The following DFFB variants were observed in gnomAD, a reference collection of about 807,000 sequenced individuals.
DFFB encodes the protein DNA fragmentation factor subunit beta, also known as DNA fragmentation factor 40 kDa subunit.
Under a neutral mutation model 32.7 loss-of-function variants are expected in DFFB, and 29 were observed. That is an observed-to-expected ratio of 0.89 (90% confidence interval 0.66 to 1.21). The LOEUF is 1.21. Ranked by LOEUF, DFFB falls within the 50% of genes most tolerant of loss-of-function variation. The pLI is 0.00. For missense variants in DFFB, 398 were observed against 440.6 expected (o/e 0.90, Z 0.87); for synonymous variants, 170 against 177.1 (o/e 0.96, Z 0.32).
intron 6 of DFFB, among the ~76,000 whole-genome samples, chr1:3,876,551 C>T (rs112624848): frequency 0.02 from 3,095 of 152,262 alleles, 96 homozygotes; most frequent in African/African-American, 0.07. Context: ...CCTGTCCTGA[C>T]GTTTGTGGGG....
chr1:3,884,771 A>T lies in DFFB; in HGVS notation c.*1030A>T, dbSNP rs556111920. The T allele has an allele frequency of 6.6e-6, 1 of 152,128 alleles. No individual in the cohort carries two copies. The highest frequency in any genetic ancestry group is 1.9e-4 in the East Asian group (1 of 5,178). 9.4% of individuals were successfully genotyped at this position (152,128 alleles called of 1,614,324 possible). A position where few individuals can be genotyped will look rare whatever the true frequency, so the allele number is the denominator to read the frequency against. On this transcript the variant is annotated 3_prime_UTR_variant, in exon 7 of 7. Coordinates refer to ENST00000378209, the MANE Select transcript of DFFB (RefSeq NM_004402.4). Reference sequence around the variant, plus strand: ...TGTTTAGTAGAAACGGGGTTTCACCATGTTGGCCAGGCTGTTCTCGAACTC... The same window carrying T: ...TGTTTAGTAGAAACGGGGTTTCACCTTGTTGGCCAGGCTGTTCTCGAACTC...
Position 3,872,019 on chromosome 1 carries a change from C to T in DFFB, c.682-453C>T, listed in dbSNP as rs60585958. ...AATCCACCCCCAGGATCCATCACCTCCCACCAGGCCCCGCCTCCCACACTA... is the reference window on the plus strand; with the variant it reads ...AATCCACCCCCAGGATCCATCACCTTCCACCAGGCCCCGCCTCCCACACTA... On this transcript the variant is annotated intron_variant, in intron 5 of 6. Transcript: ENST00000378209. Among the ~76,000 whole-genome samples, 514 of 152,304 alleles carry T rather than the reference C, an allele frequency of 3.4e-3. 2 individuals are homozygous for T. Among genetic ancestry groups the T allele is most frequent in the African/African-American group, 0.012 (490 of 41,570 alleles).
chr1:3,860,552 G>A, intron 2 of DFFB: 1 of 348,566 alleles, frequency 2.9e-6, no homozygotes, highest in South Asian at 2.1e-5. Context: ...TAGAAATAAT[G>A]ACAGATTCCC....
chr1:3,883,559 C>A lies in DFFB; in HGVS notation c.835C>A (p.Gln279Lys), dbSNP rs181330365. ...IPTLVEAIKE[Q>K]DGREVDWEYF... ...TACACTGGTGGAAGCAATTAAGGAA[C>A]AAGATGGAAGAGAAGTGGACTGGGA... is the stretch of plus-strand genomic sequence containing the variant. The change falls in exon 7 of 7, where the codon CAA becomes AAA. Residue 279 changes from glutamine (Q) to lysine (K), a missense_variant. Gln to Lys is a moderately conservative substitution (Grantham distance 53). Coordinates refer to ENST00000378209, the MANE Select transcript of DFFB (RefSeq NM_004402.4). The A allele has an allele frequency of 6.2e-7, 1 of 1,614,198 alleles. No individual in the cohort carries two copies. Among genetic ancestry groups the A allele is most frequent in the Admixed American group, 1.7e-5 (1 of 60,024 alleles).
chr1:3,882,477 G>A (rs1241640860), intron 6 of DFFB, among the ~76,000 whole-genome samples: 5 of 151,594 alleles, frequency 3.3e-5, no homozygotes, highest in African/African-American at 1.2e-4. Context: ...CAGTTATCCT[G>A]CTTCAGCCTC....
chr1:3,871,797 A>G (rs540889695), intron 5 of DFFB, among the ~76,000 whole-genome samples: 1 of 152,250 alleles, frequency 6.6e-6, no homozygotes, highest in Non-Finnish European at 1.5e-5. Flanking sequence ...TGGCGCTGGC[A>G]TCTGCTCAGC....
At chr1:3,859,321 A>G (rs1644834059) in intron 2 of DFFB, among the ~76,000 whole-genome samples, 1 of 152,066 alleles carries the variant, frequency 6.6e-6, no homozygotes, top group African/African-American at 2.4e-5. Context: ...TTTGGGGGCA[A>G]TTGCTTTGAG....
chr1:3,872,007 G>A (rs1323066247), intron 5 of DFFB, among the ~76,000 whole-genome samples: 1 of 152,134 alleles, frequency 6.6e-6, no homozygotes, highest in African/African-American at 2.4e-5. Flanking sequence ...CCACCCCCAG[G>A]ATCCATCACC....
At chr1:3,871,296 T>G (rs1487022754) in intron 5 of DFFB, among the ~76,000 whole-genome samples, 1 of 151,324 alleles carries the variant, frequency 6.6e-6, no homozygotes. Context: ...TTTTTTTTTG[T>G]TTGTTTGTTT....
chr1:3,865,874 G>C lies in DFFB; in HGVS notation c.304G>C (p.Ala102Pro). ...FHEPQVGLIQ[A>P]AQQLLCDEQA... ...CGAGCCACAGGTGGGGCTCATCCAG[G>C]CCGCCCAGCAGCTGCTGTGTGATGA... The change falls in exon 3 of 7, where the codon GCC becomes CCC. Residue 102 changes from alanine (A) to proline (P), a missense_variant. Ala to Pro is a conservative substitution (Grantham distance 27). Coordinates refer to ENST00000378209, the MANE Select transcript of DFFB (RefSeq NM_004402.4). This position sits in a 1 kb window ranked among gnomAD's most constrained non-coding sequence, Gnocchi z 4.7. 1.2e-6 allele frequency: 2 copies of C among 1,614,042 alleles called. No homozygotes were observed. Among genetic ancestry groups the C allele is most frequent in the Non-Finnish European group, 1.7e-6 (2 of 1,179,984 alleles).
chr1:3,872,230 A>C (rs1413249066), intron 5 of DFFB, among the ~76,000 whole-genome samples: 4 of 152,216 alleles, frequency 2.6e-5, no homozygotes, highest in East Asian at 3.9e-4. Context: ...CTGGCCAACA[A>C]GGTGAAACCC....
chr1:3,872,634 C>CCCTGTCCCTGCCGCGGA, intron 6 of DFFB, 62 bp downstream of exon 6: 2 of 1,445,176 alleles, frequency 1.4e-6, no homozygotes, highest in Non-Finnish European at 1.9e-6. Flanking sequence ...CCTGCCGTGG[C>CCCTGTCCCTGCCGCGGA]CCTGTCCCTG....
At chr1:3,870,908 G>T (rs1465149034) in intron 5 of DFFB, among the ~76,000 whole-genome samples, 1 of 152,210 alleles carries the variant, frequency 6.6e-6, no homozygotes, top group Non-Finnish European at 1.5e-5. Flanking sequence ...TGGGGCTCCC[G>T]GCACGTGCTC....
At chr1:3,863,703 G>A (rs951133129) in intron 2 of DFFB, among the ~76,000 whole-genome samples, 2 of 152,124 alleles carry the variant, frequency 1.3e-5, no homozygotes, top group African/African-American at 4.8e-5. Flanking sequence ...CAGCATGGCC[G>A]AGCCTTGAAA....
chr1:3,869,840 C>G, intron 5 of DFFB, 65 bp downstream of exon 5: 1 of 1,491,392 alleles, frequency 6.7e-7, no homozygotes, highest in Non-Finnish European at 9.0e-7. Flanking sequence ...CCGCCTGGGG[C>G]GAGGCGGGTG....
chr1:3,873,839 C>T (rs565013295), intron 6 of DFFB, among the ~76,000 whole-genome samples: 1 of 152,066 alleles, frequency 6.6e-6, no homozygotes, highest in Non-Finnish European at 1.5e-5. Flanking sequence ...TTCCAAAATC[C>T]TAAAAAAATC....
At chr1:3,872,433 T>A in intron 5 of DFFB, 39 bp from the exon 6 acceptor site, 4 of 1,430,148 alleles carry the variant, frequency 2.8e-6, no homozygotes, top group South Asian at 1.2e-5. Flanking sequence ...AAAAAGAGAC[T>A]CACTTTCTGG....
At chr1:3,858,094 C>T (rs1277532522) in intron 1 of DFFB, among the ~76,000 whole-genome samples, 8 of 152,236 alleles carry the variant, frequency 5.3e-5, no homozygotes, top group Non-Finnish European at 8.8e-5. Context: ...GCTCTGCAGG[C>T]CCCTTCCAGC....
intron 6 of DFFB, 94 bp downstream of exon 6, chr1:3,872,666 G>A (rs557852213): frequency 1.1e-5 from 12 of 1,141,398 alleles, no homozygotes; most frequent in East Asian, 7.2e-5. Context: ...TCCCTGCCAC[G>A]GCCCTGTCCC....
Sources: allele counts gnomAD v4.1 joint callset (sites outside exome capture counted in the v4.1 genomes callset), GRCh38; gene constraint gnomAD v4.1.1; non-coding constraint Gnocchi (gnomAD v3.1); transcripts MANE v1.5; gene names NCBI Gene and HGNC (gene_info 2026-07-23, HGNC 2026-07-21).